ARHGAP44: variants seen among roughly 807,000 people sequenced by gnomAD.
The protein encoded by ARHGAP44 is Rho GTPase activating protein 44.
A neutral mutation model predicts 106.8 loss-of-function variants in ARHGAP44; 43 were observed. That is an observed-to-expected ratio of 0.40 (90% CI 0.32 to 0.52). The LOEUF is 0.52. ARHGAP44 is among the 20% of genes least tolerant of loss of function. The pLI is 0.48. For missense variants in ARHGAP44, 866 were observed against 1,050.5 expected (o/e 0.82, Z 2.43); for synonymous variants, 439 against 410.3 (o/e 1.07, Z -0.85).
At chr17:12,883,693 G>A (rs1486055129) in intron 1 of ARHGAP44, among the ~76,000 whole-genome samples, 1 of 152,078 alleles carries the variant, frequency 6.6e-6, no homozygotes, top group Non-Finnish European at 1.5e-5. Flanking sequence ...TTACACTGGG[G>A]TCAGAGAACA....
chr17:12,866,365 G>A (rs181419414), intron 1 of ARHGAP44, among the ~76,000 whole-genome samples: 1 of 152,092 alleles, frequency 6.6e-6, no homozygotes. Flanking sequence ...TATTTTGCTT[G>A]TAAGAGTTTT....
At chr17:12,943,500 A>C (rs562541434) in intron 8 of ARHGAP44, 88 bp from the exon 9 acceptor site, 1 of 1,238,682 alleles carries the variant, frequency 8.1e-7, no homozygotes, top group African/African-American at 1.5e-5. Flanking sequence ...CGCATGTGGA[A>C]GCACCTTTCT....
intron 1 of ARHGAP44, among the ~76,000 whole-genome samples, chr17:12,837,650 G>T (rs1320210605): frequency 6.6e-6 from 1 of 151,918 alleles, no homozygotes; most frequent in Non-Finnish European, 1.5e-5. Context: ...ATCAGGGCAG[G>T]TAGTAGAACT....
At chr17:12,896,656 T>C in intron 3 of ARHGAP44, 145 bp downstream of exon 3, 1 of 719,780 alleles carries the variant, frequency 1.4e-6, no homozygotes, top group Non-Finnish European at 2.3e-6. Context: ...GCCTATTTTC[T>C]GTTTTCTGTG....
At position 12,974,188 on chromosome 17, in the gene ARHGAP44, C is replaced by A; in HGVS notation, c.1641C>A (p.Ala547=). ...CCCCGCCCTCCATGCAGCCTCCCGC[C>A]CCGCCCGCCGAGCTGGCTGCGCCCC... ...SCAPPSMQPP[A]PPAELAAPLP... Residue 547 remains alanine (A), a synonymous_variant, in exon 18 of 21, where the codon GCC becomes GCA. Transcript: ENST00000379672. 1 of 1,549,356 alleles carries A rather than the reference C, an allele frequency of 6.5e-7. No individual in the cohort carries two copies.
At chr17:12,892,012 A>C (rs1011244542) in intron 1 of ARHGAP44, among the ~76,000 whole-genome samples, 8 of 152,004 alleles carry the variant, frequency 5.3e-5, no homozygotes, top group African/African-American at 1.9e-4. Context: ...CTGGTCTCGA[A>C]CTTCTGACTG....
chr17:12,920,354 CG>C (rs1334945139), intron 6 of ARHGAP44, among the ~76,000 whole-genome samples: 2 of 106,022 alleles, frequency 1.9e-5, no homozygotes, highest in Non-Finnish European at 3.3e-5. Flanking sequence ...CCAGCCTGGG[CG>C]ACAGAGCAAG....
At chr17:12,981,321 G>A (rs773212003) in intron 19 of ARHGAP44, among the ~76,000 whole-genome samples, 11 of 152,130 alleles carry the variant, frequency 7.2e-5, no homozygotes, top group Non-Finnish European at 1.5e-4. Context: ...AAGTGCCGGC[G>A]TGAGATTTCA....
chr17:12,908,318 T>C (rs1479271844), intron 3 of ARHGAP44, among the ~76,000 whole-genome samples: 1 of 149,104 alleles, frequency 6.7e-6, no homozygotes, highest in Non-Finnish European at 1.5e-5. Context: ...TGCCTCAGCC[T>C]CCCAAGTAGC....
intron 1 of ARHGAP44, among the ~76,000 whole-genome samples, chr17:12,802,930 TATA>T (rs2034142836): frequency 1.1e-4 from 1 of 9,182 alleles, no homozygotes; most frequent in Non-Finnish European, 1.9e-4. Context: ...GGCTAATTTA[TATA>T]TATATATATA....
At chr17:12,841,639 C>CACAAAAAAAAA (rs1555546108) in intron 1 of ARHGAP44, among the ~76,000 whole-genome samples, 1 of 137,398 alleles carries the variant, frequency 7.3e-6, no homozygotes, top group African/African-American at 2.9e-5. Context: ...CACACACACA[C>CACAAAAAAAAA]AAACAAACAA....
At position 12,933,447 on chromosome 17, in the gene ARHGAP44, A is replaced by C. The variant is rs1046070666; in HGVS notation, c.582+4401A>C. ...CCACTGAGCCCTCAGGCAGGCTTGC[A>C]GGTGCAGCACTGCCTTCCTGTGTTC... On this transcript the variant is annotated intron_variant, in intron 7 of 20. Coordinates refer to ENST00000379672, the MANE Select transcript of ARHGAP44 (RefSeq NM_014859.6). Among the ~76,000 whole-genome samples, 25 of 152,218 alleles carry C rather than the reference A, an allele frequency of 1.6e-4. 3 individuals are homozygous for C. Among genetic ancestry groups the C allele is most frequent in the Admixed American group, 1.5e-3 (23 of 15,280 alleles).
rs781041932 is a variant in ARHGAP44, at chr17:12,980,164, G to C, written c.1870G>C (p.Ala624Pro). 1.9e-6 allele frequency: 3 copies of C among 1,613,490 alleles called. No individual in the cohort carries two copies. The highest frequency in any genetic ancestry group is 2.5e-6 in the Non-Finnish European group (3 of 1,179,850). Residue 624 changes from alanine (A) to proline (P), a missense_variant, in exon 19 of 21, where the codon GCT becomes CCT. Transcript: ENST00000379672. ...GACTCAACCAGGGGCTCAACCTGGAGCTCAGCCGGGCGCCAGCCCCAGCCC... is the reference window on the plus strand; with the variant it reads ...GACTCAACCAGGGGCTCAACCTGGACCTCAGCCGGGCGCCAGCCCCAGCCC... The part of the protein sequence containing the change: ...AGTQPGAQPG[A>P]QPGASPSPSQ...
rs200072773 is a variant in ARHGAP44 at position 12,956,624 on chromosome 17, C to G, written c.1251-31C>G. The G allele has an allele frequency of 7.9e-4, 1,263 of 1,600,558 alleles. 5 individuals are homozygous for G. Among genetic ancestry groups the G allele is most frequent in the South Asian group, 4.1e-3 (370 of 90,566 alleles). On this transcript the variant is annotated intron_variant, in intron 14 of 20. Transcript: ENST00000379672. ...CAAAGCTTGCCTCAGCTGCTAACTC[C>G]ACCCTGTTTGCCTCTGCTCTCTGCT...
At chr17:12,802,967 A>ATTT (rs2034160020) in intron 1 of ARHGAP44, among the ~76,000 whole-genome samples, 1 of 31,674 alleles carries the variant, frequency 3.2e-5, no homozygotes, top group Non-Finnish European at 6.1e-5. Context: ...ATATATATAT[A>ATTT]TATTTTTTTT....
In ARHGAP44 at chr17:12,931,841, T is replaced by TACACACACAC. The variant is rs10522083; in HGVS notation, c.582+2825_582+2834dup. Among the ~76,000 whole-genome samples the TACACACACAC allele has an allele frequency of 8.9e-3, 1,300 of 146,380 alleles. 24 individuals carry two copies. Among genetic ancestry groups the TACACACACAC allele is most frequent in the African/African-American group, 0.031 (1,217 of 39,400 alleles). ...ATTGCATGATATTCCACAGTAGGGATACACACACACACACACACACACACA... is the reference window on the plus strand; with the variant it reads ...ATTGCATGATATTCCACAGTAGGGATACACACACACACACACACACACACACACACACACA... On this transcript the variant is annotated intron_variant, in intron 7 of 20. Coordinates refer to ENST00000379672, the MANE Select transcript of ARHGAP44 (RefSeq NM_014859.6).
At position 12,796,056 on chromosome 17, in the gene ARHGAP44, GA is replaced by G. The variant is rs530183613; in HGVS notation, c.53+6174del. Among the ~76,000 whole-genome samples the G allele has an allele frequency of 5.8e-3, 877 of 150,074 alleles. 3 individuals are homozygous for G. The highest frequency in any genetic ancestry group is 6.3e-3 in the Non-Finnish European group (422 of 67,416). The stretch of plus-strand genomic sequence containing the variant: ...CATAAACTTATGGATGGGCTAAAAG[GA>G]AAAAAAAATCACCTATAATCTCATT... On this transcript the variant is annotated intron_variant, in intron 1 of 20. Transcript: ENST00000379672.
rs77711202 is a variant in ARHGAP44, at chr17:12,949,321, G to T, written c.973+70G>T. The T allele has an allele frequency of 3.3e-3, 4,861 of 1,468,200 alleles. 132 individuals are homozygous for T. The East Asian group carries it at 0.063, about 19-fold the overall frequency. The allele number at this position is 1,468,200 out of a possible 1,614,324, so 90.9% of individuals were successfully genotyped here. On this transcript the variant is annotated intron_variant, in intron 11 of 20. Transcript: ENST00000379672. This position sits in a 1 kb window ranked among gnomAD's most constrained non-coding sequence, Gnocchi z 4.1. ...GAAGGGGTAGAGGGGAGGCTGTGTG[G>T]CTACAAGTCCAGGACACTCAAGTCA...
chr17:12,803,978 T>C (rs1372291124), intron 1 of ARHGAP44, among the ~76,000 whole-genome samples: 1 of 152,188 alleles, frequency 6.6e-6, no homozygotes, highest in Non-Finnish European at 1.5e-5. Flanking sequence ...GATGTCATAA[T>C]TCAGAGTGGC....
Sources: gnomAD v4.1 joint callset for allele counts (sites outside exome capture counted in the v4.1 genomes callset) on GRCh38, gnomAD v4.1.1 for gene constraint, Gnocchi (gnomAD v3.1) non-coding constraint, MANE v1.5 for transcripts, NCBI Gene and HGNC (gene_info 2026-07-23, HGNC 2026-07-21) for gene names.